The following MCC variants were observed in gnomAD, a reference collection of about 807,000 sequenced individuals.
MCC encodes the protein MCC regulator of Wnt signaling pathway.
In MCC, 90 loss-of-function variants were observed where a neutral mutation model predicts 116.2. That is an observed-to-expected ratio of 0.77 (90% CI 0.65 to 0.92). MCC has a LOEUF of 0.92. MCC is among the 40% of genes least tolerant of loss of function. The pLI is 0.00. For missense variants in MCC, 1,516 were observed against 1,312.2 expected, an observed-to-expected ratio of 1.16 and a Z score of -2.40; for synonymous variants, 578 against 510.5, an observed-to-expected ratio of 1.13 and a Z score of -1.78.
At chr5:113,364,049 T>C (rs901544658) in intron 2 of MCC, among the ~76,000 whole-genome samples, 88 of 152,010 alleles carry the variant, frequency 5.8e-4, no homozygotes, top group African/African-American at 2.1e-3. Flanking sequence ...CTGGCCAATA[T>C]GGTGAAACCT....
intron 1 of MCC, among the ~76,000 whole-genome samples, chr5:113,409,569 C>G (rs1049850291): frequency 6.6e-6 from 1 of 152,128 alleles, no homozygotes; most frequent in Non-Finnish European, 1.5e-5. Context: ...CCAGGCTGCT[C>G]TTGAACTCCT....
At chr5:113,324,197 C>T (rs1022704414) in intron 3 of MCC, among the ~76,000 whole-genome samples, 10 of 152,082 alleles carry the variant, frequency 6.6e-5, no homozygotes, top group African/African-American at 2.4e-4. Context: ...TGAACCTCAC[C>T]AAATCCAATT....
chr5:113,035,767 A>G lies in MCC; in HGVS notation c.2757-6711T>C, dbSNP rs76610048. ...CAGAGCTAAGACATCACCACGCCTT[A>G]CCATTTCCTTCATATTATTCATTGC... On this transcript the variant is annotated intron_variant, in intron 17 of 18. Coordinates refer to ENST00000408903, the MANE Select transcript of MCC (RefSeq NM_001085377.2). 7.2e-3 allele frequency among the ~76,000 whole-genome samples: 1,096 copies of G among 152,178 alleles called. 10 individuals are homozygous for G. The highest frequency in any genetic ancestry group is 0.025 in the African/African-American group (1,030 of 41,498).
chr5:113,225,431 T>A (rs1026557143), intron 3 of MCC, among the ~76,000 whole-genome samples: 28 of 152,174 alleles, frequency 1.8e-4, no homozygotes, highest in African/African-American at 6.5e-4. Flanking sequence ...TCAACCACCC[T>A]TCCACTTTCC....
chr5:113,059,942 A>T (rs1368620422), intron 14 of MCC, among the ~76,000 whole-genome samples: 2 of 152,028 alleles, frequency 1.3e-5, no homozygotes, highest in East Asian at 1.9e-4. Flanking sequence ...ACCATGCCCC[A>T]CCTCTGTCCT....
chr5:113,302,452 T>C (rs193300555), intron 3 of MCC, among the ~76,000 whole-genome samples: 181 of 152,310 alleles, frequency 1.2e-3, no homozygotes, highest in African/African-American at 3.9e-3. Flanking sequence ...AAAGTAACTA[T>C]AAAAAATTAT....
At chr5:113,471,461 C>T (rs986106440) in intron 1 of MCC, among the ~76,000 whole-genome samples, 2 of 152,086 alleles carry the variant, frequency 1.3e-5, no homozygotes, top group South Asian at 2.1e-4. Context: ...GCCTGGGTAT[C>T]GGCAGCGGTG....
intron 3 of MCC, among the ~76,000 whole-genome samples, chr5:113,268,622 A>T (rs2150351959): frequency 6.6e-6 from 1 of 152,256 alleles, no homozygotes; most frequent in East Asian, 1.9e-4. Context: ...GCTATATACA[A>T]AGCGTCTCTC....
intron 1 of MCC, among the ~76,000 whole-genome samples, chr5:113,407,511 C>A (rs1461701603): frequency 6.6e-6 from 1 of 152,166 alleles, no homozygotes; most frequent in African/African-American, 2.4e-5. Flanking sequence ...GAGCCAGTGT[C>A]TCCCCTACAG....
intron 5 of MCC, among the ~76,000 whole-genome samples, chr5:113,125,137 C>T (rs1219405667): frequency 6.6e-6 from 1 of 152,100 alleles, no homozygotes; most frequent in African/African-American, 2.4e-5. Context: ...GTTGACTAGG[C>T]AGTGTGAGCA....
chr5:113,087,997 T>C (rs1755322775), intron 8 of MCC, among the ~76,000 whole-genome samples: 1 of 152,248 alleles, frequency 6.6e-6, no homozygotes. Context: ...ACTCTAATCA[T>C]TTTCCTTGCT....
At chr5:113,410,409 G>T (rs536045294) in intron 1 of MCC, among the ~76,000 whole-genome samples, 3 of 152,142 alleles carry the variant, frequency 2.0e-5, no homozygotes, top group Admixed American at 6.5e-5. Flanking sequence ...TAAAAGTGCT[G>T]TGATAAACAT....
At chr5:113,072,205 T>A (rs1358151476) in intron 11 of MCC, among the ~76,000 whole-genome samples, 1 of 152,158 alleles carries the variant, frequency 6.6e-6, no homozygotes, top group Non-Finnish European at 1.5e-5. Context: ...TGTTAAGGGG[T>A]TTGGAAGCCA....
chr5:113,165,992 C>T (rs180819507), intron 3 of MCC, among the ~76,000 whole-genome samples: 14 of 152,216 alleles, frequency 9.2e-5, no homozygotes, highest in Admixed American at 9.2e-4. Context: ...GGAATGAAGG[C>T]TGCATATTTT....
chr5:113,164,075 C>T (rs573033174), intron 3 of MCC, among the ~76,000 whole-genome samples: 1 of 152,250 alleles, frequency 6.6e-6, no homozygotes, highest in African/African-American at 2.4e-5. Flanking sequence ...GTAATCCTTG[C>T]TCTCAACAAG....
chr5:113,167,744 C>T (rs540967258), intron 3 of MCC, among the ~76,000 whole-genome samples: 1 of 152,222 alleles, frequency 6.6e-6, no homozygotes, highest in East Asian at 1.9e-4. Flanking sequence ...AATTCTCTCA[C>T]CTCAGCTTCC....
At chr5:113,097,506 A>T (rs1447999606) in intron 8 of MCC, among the ~76,000 whole-genome samples, 1 of 152,202 alleles carries the variant, frequency 6.6e-6, no homozygotes, top group Non-Finnish European at 1.5e-5. Context: ...ATGAATATCT[A>T]TGAAATGGAA....
rs184188670 is a variant in MCC at position 113,236,995 on chromosome 5, A to C, written c.628-85573T>G. Among the ~76,000 whole-genome samples, 84 of 152,348 alleles carry C rather than the reference A, an allele frequency of 5.5e-4. 1 individual carries two copies. In the East Asian group the frequency reaches 6.2e-3, roughly 11 times the overall value. On this transcript the variant is annotated intron_variant, in intron 3 of 18. Transcript: ENST00000408903. ...AATGTCAGTTGTTTTCACTCTGTCA[A>C]GTTGAAAAAATTGAGAAGGAAAGTG... is the stretch of plus-strand genomic sequence containing the variant.
At chr5:113,235,172 C>CT (rs1405652376) in intron 3 of MCC, among the ~76,000 whole-genome samples, 1 of 152,162 alleles carries the variant, frequency 6.6e-6, no homozygotes, top group Non-Finnish European at 1.5e-5. Context: ...TAAAAATGGG[C>CT]TTTTTAAAAA....
Sources: allele counts gnomAD v4.1 joint callset (sites outside exome capture counted in the v4.1 genomes callset), GRCh38; gene constraint gnomAD v4.1.1; transcripts MANE v1.5; gene names NCBI Gene and HGNC (gene_info 2026-07-23, HGNC 2026-07-21).